Variants in TEX15 observed in about 807,000 individuals in gnomAD.
TEX15 encodes testis expressed 15, meiosis and synapsis associated, also known as testis-expressed protein 15.
TEX15 carries 171 observed loss-of-function variants against 237.3 expected under a neutral mutation model. That is an observed-to-expected ratio of 0.72 (90% CI 0.64 to 0.82). The LOEUF (loss-of-function observed/expected upper bound fraction) is 0.82. Among genes scored for constraint, TEX15 ranks in the 40% least tolerant of loss-of-function variants. The probability of loss-of-function intolerance (pLI) is 0.00; values close to 1 mark genes in which losing one functional copy is unlikely to be tolerated. For synonymous variants in TEX15, 1,338 were observed against 1,269.8 expected (o/e 1.05, Z -1.14); for missense variants, 3,750 against 3,646.5 (o/e 1.03, Z -0.73).
chr8:30,907,820 C>T (rs1223477106), intron 1 of TEX15, among the ~76,000 whole-genome samples: 5 of 148,526 alleles, frequency 3.4e-5, no homozygotes, highest in Non-Finnish European at 5.9e-5. Context: ...GCCTTTAGTC[C>T]CCAGCTATTT....
At chr8:30,864,490 G>T (rs61574204) in intron 5 of TEX15, among the ~76,000 whole-genome samples, 29,940 of 150,948 alleles carry the variant, frequency 0.2, 3,894 homozygotes, top group African/African-American at 0.35. Context: ...CTAGAGCCTG[G>T]GAGTTTGAAG....
chr8:30,866,336 G>A (rs1345560293), intron 5 of TEX15, among the ~76,000 whole-genome samples: 1 of 149,976 alleles, frequency 6.7e-6, no homozygotes. Context: ...GGGAGAAAGG[G>A]GAAAGGGGAA....
At position 30,837,591 on chromosome 8, in the gene TEX15, A is replaced by G. The variant is rs774095120; in HGVS notation, c.8693T>C (p.Ile2898Thr). The G allele has an allele frequency of 1.2e-6, 2 of 1,614,124 alleles. No individual in the cohort carries two copies. The highest frequency in any genetic ancestry group is 1.7e-6 in the Non-Finnish European group (2 of 1,179,990). ...VPDASVLSKP[I>T]FCFVKDVHPD... ...ATGGACATCTTTCACAAAACAGAAA[A>G]TTGGCTTTGAGAGCACCGACGCATC... Residue 2898 changes from isoleucine (I) to threonine (T), a missense_variant, in exon 10 of 11, where the codon ATT (isoleucine) becomes ACT (threonine). Transcript: ENST00000643185.
intron 7 of TEX15, among the ~76,000 whole-genome samples, chr8:30,855,042 C>T (rs1807879544): frequency 6.6e-6 from 1 of 152,100 alleles, no homozygotes; most frequent in African/African-American, 2.4e-5. Context: ...TGGATGCCTT[C>T]CCCCTAAATT....
At position 30,845,368 on chromosome 8, in the gene TEX15, G is replaced by T. The variant is rs898374831; in HGVS notation, c.4799C>A (p.Ala1600Glu). The change falls in exon 8 of 11, where the codon GCA becomes GAA. Residue 1600 changes from alanine to glutamate, a missense_variant. Physicochemically the swap from Ala to Glu is moderately radical, Grantham distance 107. Coordinates refer to ENST00000643185, the MANE Select transcript of TEX15 (RefSeq NM_001350162.2). Reference sequence around the variant, plus strand: ...AGCGTCACAACTGTTTTCTTTAGTTGCATCTTTAACATTATGATTTGCTGA... The same window carrying T: ...AGCGTCACAACTGTTTTCTTTAGTTTCATCTTTAACATTATGATTTGCTGA... Reference protein sequence around the residue: ...KHSANHNVKDATKENSCDANE... With the variant: ...KHSANHNVKDETKENSCDANE... 4 of 1,611,090 alleles carry T rather than the reference G, an allele frequency of 2.5e-6. No individual in the cohort carries two copies. Among genetic ancestry groups the T allele is most frequent in the Admixed American group, 1.7e-5 (1 of 59,730 alleles).
rs1585298181 is a variant in TEX15 at position 30,867,381 on chromosome 8, T to C, written c.424A>G (p.Thr142Ala). Residue 142 changes from threonine (T) to alanine (A), a missense_variant, in exon 5 of 11, where the codon ACA becomes GCA. Transcript: ENST00000643185. ...YQNGISTRAS[T>A]LKILGNPLLG... ...AGAGGATTTCCTAGTATCTTCAATG[T>C]AGATGCTCTGGTACTTATTCCATTC... 3 of 1,527,030 alleles carry C rather than the reference T, an allele frequency of 2.0e-6. No homozygotes were observed. The South Asian group carries it at 3.6e-5, about 18-fold the overall frequency. The allele number at this position is 1,527,030 out of a possible 1,614,324, so 94.6% of individuals were successfully genotyped here.
chr8:30,862,949 T>C (rs1208471971), intron 5 of TEX15, among the ~76,000 whole-genome samples: 1 of 152,128 alleles, frequency 6.6e-6, no homozygotes, highest in African/African-American at 2.4e-5. Context: ...GGGAAGGTGG[T>C]GGAGTAGGAG....
At position 30,842,562 on chromosome 8, in the gene TEX15, T is replaced by C. The variant is rs1807485196; in HGVS notation, c.7605A>G (p.Ser2535=). The C allele has an allele frequency of 6.2e-7, 1 of 1,610,812 alleles. No homozygotes were observed. The highest frequency in any genetic ancestry group is 8.5e-7 in the Non-Finnish European group (1 of 1,179,596). The change falls in exon 8 of 11, where the codon TCA becomes TCG. Residue 2535 remains serine, a synonymous_variant. Coordinates refer to ENST00000643185, the MANE Select transcript of TEX15 (RefSeq NM_001350162.2). ...CTCTTGAGAGCAAATGAATAGCATA[T>C]GAGCAATTAACAGCTTCATTATATT... ...ICKYNEAVNC[S]YAIHLLSREL...
chr8:30,871,224 T>C (rs1281434746), intron 4 of TEX15, among the ~76,000 whole-genome samples: 1 of 152,060 alleles, frequency 6.6e-6, no homozygotes, highest in Non-Finnish European at 1.5e-5. Flanking sequence ...TTCTGCTATG[T>C]AAGGTGATAT....
At position 30,844,559 on chromosome 8, in the gene TEX15, T is replaced by C. The variant is rs1382876025; in HGVS notation, c.5608A>G (p.Thr1870Ala). 1 of 1,612,936 alleles carries C rather than the reference T, an allele frequency of 6.2e-7. No individual in the cohort carries two copies. The highest frequency in any genetic ancestry group is 1.3e-5 in the African/African-American group (1 of 74,868). Reference sequence around the variant, plus strand: ...TGATTCTTTTGATTTTTGTACTCAGTATTAACAGTTGATCCTTCAGTCATG... The same window carrying C: ...TGATTCTTTTGATTTTTGTACTCAGCATTAACAGTTGATCCTTCAGTCATG... ...RSMTEGSTVN[T>A]EYKNQKNQIS... Residue 1870 changes from threonine to alanine, a missense_variant, in exon 8 of 11, where the codon ACT becomes GCT. Physicochemically the swap from Thr to Ala is moderately conservative, Grantham distance 58. Transcript: ENST00000643185.
chr8:30,833,934 C>CT (rs1164869840), intron 10 of TEX15, among the ~76,000 whole-genome samples: 1 of 152,062 alleles, frequency 6.6e-6, no homozygotes, highest in African/African-American at 2.4e-5. Flanking sequence ...CCAGAGCTAT[C>CT]TTTTTTAATA....
chr8:30,852,765 GA>G (rs1386452275), intron 7 of TEX15, among the ~76,000 whole-genome samples: 3 of 151,970 alleles, frequency 2.0e-5, no homozygotes, highest in Non-Finnish European at 2.9e-5. Context: ...ATGCAATACG[GA>G]AACTAATAAA....
Position 30,842,036 on chromosome 8 carries a change from C to T in TEX15, c.8131G>A (p.Asp2711Asn). 1 of 1,604,870 alleles carries T rather than the reference C, an allele frequency of 6.2e-7. No individual in the cohort carries two copies. Among genetic ancestry groups the T allele is most frequent in the Non-Finnish European group, 8.5e-7 (1 of 1,177,624 alleles). Reference sequence around the variant, plus strand: ...TTTTTACAACTGGAAACAGTAGTATCTTGCTGTTGTTCCTGAGAGTCTTCA... The same window carrying T: ...TTTTTACAACTGGAAACAGTAGTATTTTGCTGTTGTTCCTGAGAGTCTTCA... ...KCEDSQEQQQ[D>N]TTVSSCKKLK... Residue 2711 changes from aspartate (D) to asparagine (N), a missense_variant, in exon 8 of 11, where the codon GAT (aspartate) becomes AAT (asparagine). By Grantham distance (23) the Asp-to-Asn change is conservative. Coordinates refer to ENST00000643185, the MANE Select transcript of TEX15 (RefSeq NM_001350162.2).
intron 7 of TEX15, among the ~76,000 whole-genome samples, chr8:30,854,098 C>A (rs923427398): frequency 4.8e-4 from 72 of 150,858 alleles, no homozygotes; most frequent in African/African-American, 1.7e-3. Context: ...CACACACACA[C>A]GTGAAACAGC....
Position 30,842,909 on chromosome 8 carries a change from C to T in TEX15, c.7258G>A (p.Glu2420Lys), listed in dbSNP as rs1807496328. 6.2e-7 allele frequency: 1 copy of T among 1,608,868 alleles called. No homozygotes were observed. Among genetic ancestry groups the T allele is most frequent in the African/African-American group, 1.3e-5 (1 of 74,760 alleles). ...ATCACCACGTCTAAAACATTTTCTT[C>T]TGTGATAAAAATATTATCCATGTTA... ...DNNMDNIFIT[E>K]ENVLDVVINH... The change falls in exon 8 of 11, where the codon GAA (glutamate) becomes AAA (lysine). Residue 2420 changes from glutamate (E) to lysine (K), a missense_variant. Coordinates refer to ENST00000643185, the MANE Select transcript of TEX15 (RefSeq NM_001350162.2).
intron 7 of TEX15, among the ~76,000 whole-genome samples, chr8:30,856,937 CT>C (rs563984700): frequency 3.8e-4 from 57 of 151,984 alleles, no homozygotes; most frequent in African/African-American, 1.1e-3. Flanking sequence ...TCTAAAATTT[CT>C]ATGACAGCAA....
At chr8:30,893,456 A>G (rs1808835632) in intron 2 of TEX15, among the ~76,000 whole-genome samples, 2 of 152,214 alleles carry the variant, frequency 1.3e-5, no homozygotes, top group South Asian at 2.1e-4. Context: ...GTTTCTTCCC[A>G]TCTGATTCTT....
intron 2 of TEX15, among the ~76,000 whole-genome samples, chr8:30,893,158 A>C (rs1388562356): frequency 6.6e-6 from 1 of 152,238 alleles, no homozygotes; most frequent in African/African-American, 2.4e-5. Context: ...AATCTTCACA[A>C]CATCCCTATG....
At chr8:30,902,799 C>T (rs899962410) in intron 1 of TEX15, among the ~76,000 whole-genome samples, 4 of 151,976 alleles carry the variant, frequency 2.6e-5, no homozygotes, top group African/African-American at 9.7e-5. Flanking sequence ...TCATAAATTC[C>T]CAGGTGACAT....
Sources: gnomAD v4.1 joint callset for allele counts (sites outside exome capture counted in the v4.1 genomes callset) on GRCh38, gnomAD v4.1.1 for gene constraint, MANE v1.5 for transcripts, NCBI Gene and HGNC (gene_info 2026-07-23, HGNC 2026-07-21) for gene names.